Variants in SCAI observed in about 807,000 individuals in gnomAD.
The protein encoded by SCAI is protein SCAI.
SCAI carries 24 observed loss-of-function variants against 92.2 expected under a neutral mutation model. That is an observed-to-expected ratio of 0.26 (90% CI 0.19 to 0.37). The LOEUF is 0.37. Among genes scored for constraint, SCAI ranks in the 10% least tolerant of loss-of-function variants. The probability of loss-of-function intolerance (pLI) is 1.00; values close to 1 mark genes in which losing one functional copy is unlikely to be tolerated. For synonymous variants in SCAI, 261 were observed against 258.6 expected (o/e 1.01, Z -0.09); for missense variants, 450 against 736.2 (o/e 0.61, Z 4.50).
At chr9:125,098,751 C>G (rs1320752517) in intron 2 of SCAI, among the ~76,000 whole-genome samples, 1 of 152,192 alleles carries the variant, frequency 6.6e-6, no homozygotes, top group Non-Finnish European at 1.5e-5. Flanking sequence ...AGTCTCCAAT[C>G]TAGTTATTAA....
chr9:124,992,789 G>T (rs1046984299), intron 14 of SCAI, among the ~76,000 whole-genome samples: 1 of 152,172 alleles, frequency 6.6e-6, no homozygotes, highest in Admixed American at 6.5e-5. Context: ...CAAAAGACTT[G>T]CTATTATTCC....
chr9:125,032,184 TA>T (rs1833086168), intron 3 of SCAI, among the ~76,000 whole-genome samples: 3 of 83,834 alleles, frequency 3.6e-5, no homozygotes, highest in African/African-American at 1.6e-4. Context: ...TATATATATA[TA>T]TATATATATA....
chr9:125,010,250 A>G (rs1304827792), intron 9 of SCAI, among the ~76,000 whole-genome samples: 1 of 152,222 alleles, frequency 6.6e-6, no homozygotes, highest in African/African-American at 2.4e-5. Flanking sequence ...CGGGAAGCGC[A>G]AGGGGTCAGG....
intron 3 of SCAI, among the ~76,000 whole-genome samples, chr9:125,032,241 G>A (rs1240750352): frequency 7.2e-6 from 1 of 139,844 alleles, no homozygotes; most frequent in African/African-American, 2.8e-5. Context: ...CACCAGGCTG[G>A]AGTGCAGTGG....
chr9:125,030,785 C>T (rs1833058930), intron 3 of SCAI, among the ~76,000 whole-genome samples: 1 of 151,930 alleles, frequency 6.6e-6, no homozygotes, highest in South Asian at 2.1e-4. Context: ...TGTTGCTAGC[C>T]CTGGATGCTA....
In SCAI at chr9:124,979,258, C is replaced by T. The variant is rs548419553; in HGVS notation, c.1327-3072G>A. On this transcript the variant is annotated intron_variant, in intron 14 of 17. Coordinates refer to ENST00000336505, the MANE Select transcript of SCAI (RefSeq NM_001144877.3). ...AAGAAAACTAAAGACTATTTCTTGG[C>T]TGGGCATGGTGTGTCTCATGCCTGT... Among the ~76,000 whole-genome samples the T allele has an allele frequency of 6.6e-5, 10 of 152,064 alleles. No individual in the cohort carries two copies. The South Asian group carries it at 2.1e-3, about 32-fold the overall frequency.
At chr9:125,042,861 T>TTGTG (rs1454405855) in intron 3 of SCAI, among the ~76,000 whole-genome samples, 1 of 77,680 alleles carries the variant, frequency 1.3e-5, no homozygotes, top group Admixed American at 1.3e-4. Context: ...TCCCTGGCTT[T>TTGTG]TTTTTTTTTT....
At chr9:125,105,925 C>T (rs1263089640) in intron 2 of SCAI, among the ~76,000 whole-genome samples, 2 of 150,254 alleles carry the variant, frequency 1.3e-5, no homozygotes, top group African/African-American at 2.4e-5. Context: ...GGTGAAACCC[C>T]GTTTCTACTA....
intron 10 of SCAI, 51 bp downstream of exon 10, chr9:125,003,418 G>A (rs1320876341): frequency 5.6e-6 from 7 of 1,247,842 alleles, no homozygotes; most frequent in Admixed American, 1.7e-5. Context: ...TCCAACAGGA[G>A]AGACGCAGCC....
intron 2 of SCAI, among the ~76,000 whole-genome samples, chr9:125,106,122 A>ATATATATATATATAT (rs1361859750): frequency 1.1e-4 from 1 of 8,862 alleles, no homozygotes; most frequent in Non-Finnish European, 2.7e-4. Flanking sequence ...AAAAAAAAAA[A>ATATATATATATATAT]ATATATATAT....
chr9:125,001,939 C>A (rs1249224384), intron 12 of SCAI, 26 bp downstream of exon 12: 1 of 1,524,134 alleles, frequency 6.6e-7, no homozygotes, highest in East Asian at 2.2e-5. Context: ...GCCCTGCTCA[C>A]AACAGGGAGC....
chr9:125,116,019 A>C (rs1336835406), intron 2 of SCAI, among the ~76,000 whole-genome samples: 1 of 152,168 alleles, frequency 6.6e-6, no homozygotes, highest in African/African-American at 2.4e-5. Context: ...ACATCGTGAA[A>C]TCCCATCTCT....
intron 9 of SCAI, among the ~76,000 whole-genome samples, chr9:125,010,068 T>C (rs1000623264): frequency 6.6e-6 from 1 of 152,098 alleles, no homozygotes; most frequent in Non-Finnish European, 1.5e-5. Flanking sequence ...GATGGCCGAA[T>C]AGGAACAGCT....
At chr9:125,008,816 T>G (rs78180871) in intron 9 of SCAI, among the ~76,000 whole-genome samples, 1 of 151,964 alleles carries the variant, frequency 6.6e-6, no homozygotes, top group Non-Finnish European at 1.5e-5. Flanking sequence ...TATTTCAAAA[T>G]AGATGAAAGA....
intron 2 of SCAI, among the ~76,000 whole-genome samples, chr9:125,064,526 G>C (rs58166741): frequency 6.6e-6 from 1 of 152,090 alleles, no homozygotes; most frequent in Non-Finnish European, 1.5e-5. Flanking sequence ...GCAAGTAAGT[G>C]AGAAATCAAT....
rs1475450869 is a variant in SCAI, at chr9:124,999,906, T to G, written c.1229A>C (p.His410Pro). The G allele has an allele frequency of 2.6e-6, 4 of 1,563,782 alleles. No individual in the cohort carries two copies. The African/African-American group carries it at 5.4e-5, about 21-fold the overall frequency. ...GDAIHKRNQS[H>P]KEMHCLHPGD... ...GAATACATACCAGTGCATTTCCTTGTGGGACTGATTTCGTTTGTGGATGGC... is the reference window on the plus strand; with the variant it reads ...GAATACATACCAGTGCATTTCCTTGGGGGACTGATTTCGTTTGTGGATGGC... Residue 410 changes from histidine (H) to proline (P), a missense_variant, in exon 13 of 18, where the codon CAC becomes CCC. By Grantham distance (77) the His-to-Pro change is moderately conservative. Coordinates refer to ENST00000336505, the MANE Select transcript of SCAI (RefSeq NM_001144877.3).
intron 14 of SCAI, among the ~76,000 whole-genome samples, chr9:124,982,377 C>G (rs2131602503): frequency 6.6e-6 from 1 of 152,116 alleles, no homozygotes; most frequent in Non-Finnish European, 1.5e-5. Context: ...CTAAAGGTTT[C>G]AAAGTATTAT....
chr9:124,953,024 T>A, intron 17 of SCAI, 71 bp from the exon 18 acceptor site: 1 of 1,212,866 alleles, frequency 8.2e-7, no homozygotes, highest in South Asian at 1.3e-5. Context: ...TTGATAACAG[T>A]GTCAAGGAGT....
chr9:125,067,561 T>C (rs1449592603), intron 2 of SCAI, among the ~76,000 whole-genome samples: 2 of 152,164 alleles, frequency 1.3e-5, no homozygotes, highest in African/African-American at 4.8e-5. Flanking sequence ...CTGGAACAGA[T>C]TTCCCTTCTG....
Sources: allele counts gnomAD v4.1 joint callset (sites outside exome capture counted in the v4.1 genomes callset), GRCh38; gene constraint gnomAD v4.1.1; transcripts MANE v1.5; gene names NCBI Gene and HGNC (gene_info 2026-07-23, HGNC 2026-07-21).